ABR: variants seen among roughly 807,000 people sequenced by gnomAD.
ABR encodes the protein ABR activator of RhoGEF and GTPase.
In ABR, 35 loss-of-function variants were observed where a neutral mutation model predicts 107.2. The observed-to-expected ratio is 0.33, with a 90% CI of 0.25 to 0.43. The LOEUF (loss-of-function observed/expected upper bound fraction) is 0.43, where lower values mean the gene tolerates loss of function less well. ABR is among the 20% of genes least tolerant of loss of function. The pLI, the probability that ABR is intolerant of heterozygous loss-of-function variation, is 1.00. For missense variants in ABR, 815 were observed against 1,115.2 expected, an observed-to-expected ratio of 0.73 and a Z score of 3.83; for synonymous variants, 498 against 462.0, an observed-to-expected ratio of 1.08 and a Z score of -1.00.
chr17:1,190,206 C>T (rs2042401312), upstream of ABR, among the ~76,000 whole-genome samples: 1 of 152,220 alleles, frequency 6.6e-6, no homozygotes, highest in Non-Finnish European at 1.5e-5. Flanking sequence ...GTATTGGAGG[C>T]TGTACTCCTT....
In ABR at chr17:1,210,950, G is replaced by A. The variant is rs1218090398; in HGVS notation, c.838+17843C>T. 6.6e-6 allele frequency among the ~76,000 whole-genome samples: 1 copy of A among 152,034 alleles called. No homozygotes were observed. Among genetic ancestry groups the A allele is most frequent in the Non-Finnish European group, 1.5e-5 (1 of 68,032 alleles). On this transcript the variant is annotated intron_variant, in intron 1 of 22. Transcript: ENST00000574139. This position sits in a 1 kb window ranked among gnomAD's most constrained non-coding sequence, Gnocchi z 5.6. ...AAGCCTGCCAAACTCTGGGGTGCTG[G>A]ACTGGCTGCTGAAAAATCTCCCGAG...
intron 1 of ABR, among the ~76,000 whole-genome samples, chr17:1,208,185 A>G (rs2042832802): frequency 6.6e-6 from 1 of 151,740 alleles, no homozygotes; most frequent in Non-Finnish European, 1.5e-5. Flanking sequence ...AAGTTGCTCG[A>G]CCCCCAGATG....
intron 7 of ABR, 118 bp downstream of exon 7, chr17:1,073,507 A>G: frequency 1.2e-6 from 1 of 810,806 alleles, no homozygotes; most frequent in Middle Eastern, 2.6e-4. Flanking sequence ...CTTGGAGCCT[A>G]GGAACCCCTG....
chr17:1,159,698 G>GGAGAAGTAA (rs2041209598), intron 1 of ABR, among the ~76,000 whole-genome samples: 2 of 30,702 alleles, frequency 6.5e-5, no homozygotes, highest in African/African-American at 1.3e-4. Context: ...AGGAGAAGCA[G>GGAGAAGTAA]GAATGCGGTA....
intron 2 of ABR, 34 bp from the exon 3 acceptor site, chr17:1,100,769 G>C (rs781153252): frequency 6.2e-7 from 1 of 1,606,562 alleles, no homozygotes; most frequent in Non-Finnish European, 8.5e-7. Context: ...AACAGCTCAT[G>C]AGCAAGGAGG....
At chr17:1,120,192 G>A (rs974823973) in intron 2 of ABR, among the ~76,000 whole-genome samples, 1 of 152,206 alleles carries the variant, frequency 6.6e-6, no homozygotes, top group Non-Finnish European at 1.5e-5. Context: ...TTCAGCACAA[G>A]CCTCTCTAAG....
intron 16 of ABR, among the ~76,000 whole-genome samples, chr17:1,029,674 G>A (rs986144013): frequency 4.6e-5 from 7 of 152,166 alleles, no homozygotes; most frequent in African/African-American, 1.7e-4. Flanking sequence ...TGAAGCTCCT[G>A]CAGGAAAATG....
At chr17:1,201,392 C>T (rs1012952611) in intron 1 of ABR, among the ~76,000 whole-genome samples, 1 of 152,124 alleles carries the variant, frequency 6.6e-6, no homozygotes, top group Non-Finnish European at 1.5e-5. Context: ...AAAGAAGACA[C>T]CCCGCACAGC....
rs1017575262 is a variant in ABR at position 1,137,836 on chromosome 17, G to A, written c.62-12469C>T. Among the ~76,000 whole-genome samples, 5 of 152,162 alleles carry A rather than the reference G, an allele frequency of 3.3e-5. No homozygotes were observed. In the South Asian group the frequency reaches 1.0e-3, roughly 32 times the overall value. On this transcript the variant is annotated intron_variant, in intron 1 of 22. Coordinates refer to ENST00000302538, the MANE Select transcript of ABR (RefSeq NM_021962.5). ...GAGTGCCGTAAAGCGAGGTATGCCT[G>A]CACCGCAGGAGGCTATTTACTTTAG...
At chr17:1,063,363 GGC>G (rs2034287058) in intron 10 of ABR, among the ~76,000 whole-genome samples, 1 of 128,644 alleles carries the variant, frequency 7.8e-6, no homozygotes, top group Admixed American at 7.8e-5. Flanking sequence ...GTGAACTGAG[GGC>G]TATACATGTT....
At chr17:1,087,444 G>A (rs899212917) in intron 4 of ABR, among the ~76,000 whole-genome samples, 2 of 152,124 alleles carry the variant, frequency 1.3e-5, no homozygotes, top group African/African-American at 4.8e-5. Flanking sequence ...AGGGGAGCGC[G>A]AGTGGGGACG....
At chr17:1,136,426 A>G (rs947937148) in intron 1 of ABR, among the ~76,000 whole-genome samples, 2 of 118,364 alleles carry the variant, frequency 1.7e-5, no homozygotes, top group Admixed American at 9.1e-5. Context: ...ACAGGGTTTC[A>G]CCATGTAGGC....
At chr17:1,028,527 T>C (rs924128530) in intron 16 of ABR, among the ~76,000 whole-genome samples, 1 of 152,212 alleles carries the variant, frequency 6.6e-6, no homozygotes, top group Non-Finnish European at 1.5e-5. Context: ...CTTCCCCGAA[T>C]GGCCCAAGAG....
rs202237064 is a variant in ABR at position 1,199,918 on chromosome 17, C to T, written c.838+28875G>A. Among the ~76,000 whole-genome samples the T allele has an allele frequency of 1.2e-4, 15 of 128,446 alleles. No individual in the cohort carries two copies. In the East Asian group the frequency reaches 9.5e-3, roughly 81 times the overall value. 84.3% of individuals were successfully genotyped at this position (128,446 alleles called of 152,430 possible). On this transcript the variant is annotated intron_variant, in intron 1 of 22. Transcript: ENST00000574139. ...TTTTTTGTATGCATATAATAGAGCT[C>T]TTTTTTCTTTTTTTTTTTATTATAC...
At chr17:1,110,355 G>C (rs1246371276) in intron 2 of ABR, among the ~76,000 whole-genome samples, 2 of 151,986 alleles carry the variant, frequency 1.3e-5, no homozygotes, top group African/African-American at 4.8e-5. Flanking sequence ...ATGAGGGTGC[G>C]GGTGAGGCCT....
At chr17:1,083,123 CAA>C (rs71148427) in intron 5 of ABR, 2,648 of 65,546 alleles carry the variant, frequency 0.04, 43 homozygotes, top group East Asian at 0.19. Flanking sequence ...GACTCTGTCT[CAA>C]AAAAAAAAAA....
At chr17:1,021,163 A>AG (rs1279492298) in intron 16 of ABR, among the ~76,000 whole-genome samples, 1 of 152,054 alleles carries the variant, frequency 6.6e-6, no homozygotes, top group Non-Finnish European at 1.5e-5. Context: ...GTCTCAGTGG[A>AG]GGGGGGAGCA....
intron 16 of ABR, among the ~76,000 whole-genome samples, chr17:1,036,226 A>G (rs1439024591): frequency 6.6e-6 from 1 of 152,216 alleles, no homozygotes; most frequent in African/African-American, 2.4e-5. Context: ...CTGAGCAGCC[A>G]GCTAGACCAA....
chr17:1,156,638 C>A (rs535055281), intron 1 of ABR, among the ~76,000 whole-genome samples: 5 of 151,730 alleles, frequency 3.3e-5, no homozygotes, highest in Admixed American at 2.6e-4. Flanking sequence ...GAGTGGAGAT[C>A]GTGCCACTGC....
Sources: gnomAD v4.1 joint callset for allele counts (sites outside exome capture counted in the v4.1 genomes callset) on GRCh38, gnomAD v4.1.1 for gene constraint, Gnocchi (gnomAD v3.1) non-coding constraint, MANE v1.5 for transcripts, NCBI Gene and HGNC (gene_info 2026-07-23, HGNC 2026-07-21) for gene names.